The following CLMP variants were observed in gnomAD, a reference collection of about 807,000 sequenced individuals.
CLMP encodes CXADR like cell adhesion molecule, also known as CXADR-like membrane protein.
Under a neutral mutation model 45.2 loss-of-function variants are expected in CLMP, and 27 were observed. The ratio of observed to expected loss-of-function variants is 0.60; its 90% CI spans 0.44 to 0.82. The LOEUF is 0.82. Ranked by LOEUF, CLMP falls within the 40% of genes least tolerant of loss-of-function variation. The probability of loss-of-function intolerance (pLI) is 0.00; values close to 1 mark genes in which losing one functional copy is unlikely to be tolerated. For synonymous variants in CLMP, 167 were observed against 171.4 expected (o/e 0.97, Z 0.20); for missense variants, 403 against 448.4 (o/e 0.90, Z 0.91).
chr11:123,094,859 C>T (rs1565380669), intron 2 of CLMP, among the ~76,000 whole-genome samples: 1 of 152,118 alleles, frequency 6.6e-6, no homozygotes, highest in Non-Finnish European at 1.5e-5. Context: ...TGGTCTCAAA[C>T]TCCTGGGTTC....
intron 5 of CLMP, among the ~76,000 whole-genome samples, chr11:123,080,952 G>A (rs938167908): frequency 6.6e-6 from 1 of 152,050 alleles, no homozygotes; most frequent in East Asian, 1.9e-4. Context: ...AGACCAGCCC[G>A]GCCAACATAG....
chr11:123,108,807 A>G (rs1860596123), intron 1 of CLMP, among the ~76,000 whole-genome samples: 2 of 152,172 alleles, frequency 1.3e-5, no homozygotes, highest in Non-Finnish European at 2.9e-5. Flanking sequence ...TAATCCCAGC[A>G]CTTTGGGAGG....
chr11:123,097,739 A>G, intron 2 of CLMP, 56 bp downstream of exon 2: 1 of 1,380,784 alleles, frequency 7.2e-7, no homozygotes, highest in East Asian at 2.5e-5. Context: ...AGACTGAAGA[A>G]AGGCAAATGC....
At chr11:123,127,817 A>G (rs1860920464) in intron 1 of CLMP, among the ~76,000 whole-genome samples, 1 of 152,116 alleles carries the variant, frequency 6.6e-6, no homozygotes, top group Non-Finnish European at 1.5e-5. Context: ...TGGGCGGATT[A>G]CCTGAGGTTA....
At chr11:123,165,633 T>C (rs1861546195) in intron 1 of CLMP, among the ~76,000 whole-genome samples, 1 of 152,144 alleles carries the variant, frequency 6.6e-6, no homozygotes, top group South Asian at 2.1e-4. Context: ...ACTAAAAGCT[T>C]TCCTCTTTTT....
At chr11:123,118,679 G>T (rs1231621226) in intron 1 of CLMP, among the ~76,000 whole-genome samples, 1 of 152,058 alleles carries the variant, frequency 6.6e-6, no homozygotes, top group African/African-American at 2.4e-5. Flanking sequence ...TTGCAATTTG[G>T]CTCCGACACC....
At chr11:123,108,532 C>T (rs567192574) in intron 1 of CLMP, among the ~76,000 whole-genome samples, 1 of 151,988 alleles carries the variant, frequency 6.6e-6, no homozygotes, top group Admixed American at 6.6e-5. Flanking sequence ...TATTGAGCTT[C>T]TACCTCCTTC....
At chr11:123,115,309 A>AG (rs1352070723) in intron 1 of CLMP, among the ~76,000 whole-genome samples, 8 of 152,094 alleles carry the variant, frequency 5.3e-5, no homozygotes, top group African/African-American at 1.9e-4. Context: ...AGGCTCTCAA[A>AG]GTGCTGGGAT....
At chr11:123,161,508 A>G (rs1024593696) in intron 1 of CLMP, among the ~76,000 whole-genome samples, 1 of 151,908 alleles carries the variant, frequency 6.6e-6, no homozygotes, top group Non-Finnish European at 1.5e-5. Context: ...CTCTAAAAAA[A>G]GAAAAAAATA....
At chr11:123,098,167 A>T (rs566295108) in intron 1 of CLMP, among the ~76,000 whole-genome samples, 1 of 152,110 alleles carries the variant, frequency 6.6e-6, no homozygotes, top group African/African-American at 2.4e-5. Context: ...CCCAAATTAC[A>T]TCCTACTAGT....
At chr11:123,093,952 A>C (rs1343096790) in intron 2 of CLMP, among the ~76,000 whole-genome samples, 1 of 151,974 alleles carries the variant, frequency 6.6e-6, no homozygotes, top group East Asian at 1.9e-4. Context: ...ATGGATGCAG[A>C]TCTCTCTTGA....
rs868856603 is a variant in CLMP at position 123,074,824 on chromosome 11, C to T, written c.699G>A (p.Met233Ile). 6.2e-7 allele frequency: 1 copy of T among 1,613,864 alleles called. No individual in the cohort carries two copies. The highest frequency in any genetic ancestry group is 8.5e-7 in the Non-Finnish European group (1 of 1,179,954). Reference protein sequence around the residue: ...VTVQYVQSIGMVAGAVTGIVA... With the variant: ...VTVQYVQSIGIVAGAVTGIVA... ...CTATGCCTGTCACTGCTCCTGCAAC[C>T]ATGCCGATGCTTTGTACATCTATTT... The change falls in exon 6 of 7, where the codon ATG (methionine) becomes ATA (isoleucine). Residue 233 changes from methionine (M) to isoleucine (I), a missense_variant. Physicochemically the swap from Met to Ile is conservative, Grantham distance 10 (BLOSUM62 1). Transcript: ENST00000448775.
chr11:123,127,474 G>A (rs1426167105), intron 1 of CLMP, among the ~76,000 whole-genome samples: 1 of 152,080 alleles, frequency 6.6e-6, no homozygotes, highest in Non-Finnish European at 1.5e-5. Context: ...GACTTATTAC[G>A]TGGAGGGAGG....
chr11:123,141,681 C>A (rs941443548), intron 1 of CLMP, among the ~76,000 whole-genome samples: 5 of 152,124 alleles, frequency 3.3e-5, no homozygotes. Context: ...TCAGAATGGG[C>A]TCTTCTGTCT....
intron 1 of CLMP, among the ~76,000 whole-genome samples, chr11:123,143,181 G>T (rs7111637): frequency 0.022 from 3,378 of 152,264 alleles, 101 homozygotes; most frequent in African/African-American, 0.075. Context: ...CCTGAGAGCA[G>T]GAGCCACGTT....
At chr11:123,139,856 AAAAT>A (rs2135516000) in intron 1 of CLMP, among the ~76,000 whole-genome samples, 1 of 151,530 alleles carries the variant, frequency 6.6e-6, no homozygotes, top group South Asian at 2.1e-4. Flanking sequence ...AAAATAAAAT[AAAAT>A]AAAAAATATA....
At chr11:123,150,560 G>GA (rs1172730434) in intron 1 of CLMP, among the ~76,000 whole-genome samples, 1 of 129,316 alleles carries the variant, frequency 7.7e-6, no homozygotes, top group African/African-American at 3.1e-5. Flanking sequence ...AGGAAGGAAG[G>GA]AAAGGAAGGA....
At chr11:123,133,821 G>T (rs1161293753) in intron 1 of CLMP, among the ~76,000 whole-genome samples, 3 of 152,062 alleles carry the variant, frequency 2.0e-5, no homozygotes, top group African/African-American at 7.2e-5. Context: ...GAGCGGGGAG[G>T]CCTTGCTGTC....
intron 1 of CLMP, among the ~76,000 whole-genome samples, chr11:123,150,434 A>G (rs902367512): frequency 1.8e-5 from 1 of 56,752 alleles, no homozygotes; most frequent in African/African-American, 7.3e-5. Context: ...AAAGAAAGAA[A>G]GAAAGAAAGA....
Sources: gnomAD v4.1 joint callset for allele counts (sites outside exome capture counted in the v4.1 genomes callset) on GRCh38, gnomAD v4.1.1 for gene constraint, MANE v1.5 for transcripts, NCBI Gene and HGNC (gene_info 2026-07-23, HGNC 2026-07-21) for gene names.